DNAH5: variants seen among roughly 807,000 people sequenced by gnomAD.
The protein encoded by DNAH5 is dynein axonemal heavy chain 5.
Under a neutral mutation model 518.2 loss-of-function variants are expected in DNAH5, and 372 were observed. The ratio of observed to expected loss-of-function variants is 0.72; its 90% CI spans 0.66 to 0.78. DNAH5 has a LOEUF of 0.78. Among genes scored for constraint, DNAH5 ranks in the 30% least tolerant of loss-of-function variants. The probability of loss-of-function intolerance (pLI) is 0.00; values close to 1 mark genes in which losing one functional copy is unlikely to be tolerated. For synonymous variants in DNAH5, 2,039 were observed against 2,025.9 expected, an observed-to-expected ratio of 1.01 and a Z score of -0.17; for missense variants, 5,523 against 5,687.0, an observed-to-expected ratio of 0.97 and a Z score of 0.93.
rs549639278 is a variant in DNAH5, at chr5:13,713,257, C to T, written c.13125+1148G>A. Among the ~76,000 whole-genome samples, 11 of 116,610 alleles carry T rather than the reference C, an allele frequency of 9.4e-5. No individual in the cohort carries two copies. The South Asian group carries it at 1.2e-3, about 13-fold the overall frequency. The allele number at this position is 116,610 out of a possible 152,430, so 76.5% of individuals were successfully genotyped here. A position where few individuals can be genotyped will look rare whatever the true frequency, so the allele number is the denominator to read the frequency against. The stretch of plus-strand genomic sequence containing the variant: ...TGTATATACCAACATATATATATAC[C>T]GACATATATATACCGACATATATAT... On this transcript the variant is annotated intron_variant, in intron 75 of 78. Coordinates refer to ENST00000265104, the MANE Select transcript of DNAH5 (RefSeq NM_001369.3).
intron 35 of DNAH5, among the ~76,000 whole-genome samples, chr5:13,836,075 G>A (rs1223881248): frequency 2.6e-5 from 4 of 152,126 alleles, no homozygotes; most frequent in Non-Finnish European, 1.5e-5. Context: ...GTATTCACAG[G>A]CTTCAGGGGT....
chr5:13,848,701 A>G (rs1191422945), intron 31 of DNAH5, among the ~76,000 whole-genome samples: 1 of 152,182 alleles, frequency 6.6e-6, no homozygotes, highest in East Asian at 1.9e-4. Flanking sequence ...TGCAGTTCAG[A>G]ATAGGGTGTA....
intron 9 of DNAH5, among the ~76,000 whole-genome samples, chr5:13,916,067 C>A (rs2151984777): frequency 6.6e-6 from 1 of 151,822 alleles, no homozygotes; most frequent in African/African-American, 2.4e-5. Flanking sequence ...ATGTGCTAAA[C>A]CACATAGGAA....
chr5:13,885,752 A>G (rs945870330), intron 18 of DNAH5, among the ~76,000 whole-genome samples: 7 of 152,214 alleles, frequency 4.6e-5, no homozygotes, highest in Non-Finnish European at 7.3e-5. Flanking sequence ...TGCAAAGTGC[A>G]TGTTTGCAAA....
intron 68 of DNAH5, among the ~76,000 whole-genome samples, chr5:13,731,690 G>A (rs775404630): frequency 7.9e-5 from 12 of 152,116 alleles, no homozygotes; most frequent in African/African-American, 1.4e-4. Context: ...AGTTTTTACC[G>A]TAATACTTTG....
At chr5:13,966,349 A>G (rs1394314681) in intron 1 of DNAH5, among the ~76,000 whole-genome samples, 5 of 152,172 alleles carry the variant, frequency 3.3e-5, no homozygotes, top group African/African-American at 1.2e-4. Flanking sequence ...TTCTCGTATA[A>G]TGACTTCTTT....
chr5:13,793,728 C>T lies in DNAH5; in HGVS notation c.8011G>A (p.Val2671Ile), dbSNP rs1757384575. Residue 2671 changes from valine to isoleucine, a missense_variant and splice_region_variant, in exon 49 of 79, where the codon GTT (valine) becomes ATT (isoleucine). This residue lies in a region of DNAH5 where 5,121 missense variants were observed against 5,223.3 expected (regional missense o/e 0.98). Transcript: ENST00000265104. ...AGCTGTCGCACTATCTCATTCGTAA[C>T]CTACAAAAGACAACTTTCAGAATTA... ...MPIINEWGDQVTNEIVRQLME... is the reference protein window; with the variant it reads ...MPIINEWGDQITNEIVRQLME... The T allele has an allele frequency of 1.2e-6, 2 of 1,613,654 alleles. No individual in the cohort carries two copies. The highest frequency in any genetic ancestry group is 1.7e-6 in the Non-Finnish European group (2 of 1,179,802).
intron 1 of DNAH5, 38 bp from the exon 2 acceptor site, chr5:13,931,282 T>A: frequency 6.2e-7 from 1 of 1,612,742 alleles, no homozygotes; most frequent in Non-Finnish European, 8.5e-7. Context: ...TGGAAACTGC[T>A]GTTCTCAAGT....
At chr5:13,855,774 A>G (rs1580606775) in intron 30 of DNAH5, among the ~76,000 whole-genome samples, 1 of 152,196 alleles carries the variant, frequency 6.6e-6, no homozygotes, top group Non-Finnish European at 1.5e-5. Context: ...AATGCAAAAG[A>G]ATGCAAATCA....
In DNAH5 at chr5:13,844,769, A is replaced by T. The variant is rs961447392; in HGVS notation, c.5271+68T>A. 4 of 1,600,456 alleles carry T rather than the reference A, an allele frequency of 2.5e-6. No homozygotes were observed. In the Admixed American group the frequency reaches 6.7e-5, roughly 27 times the overall value. ...CCTTGTTATAAACCCGTTTTCGAAGAGCTACTTAAAGACAGTTGAGGTTCG... is the reference window on the plus strand; with the variant it reads ...CCTTGTTATAAACCCGTTTTCGAAGTGCTACTTAAAGACAGTTGAGGTTCG... On this transcript the variant is annotated intron_variant, in intron 32 of 78. Coordinates refer to ENST00000265104, the MANE Select transcript of DNAH5 (RefSeq NM_001369.3).
chr5:13,892,761 C>A (rs903056376), intron 16 of DNAH5, among the ~76,000 whole-genome samples: 1 of 152,100 alleles, frequency 6.6e-6, no homozygotes, highest in African/African-American at 2.4e-5. Context: ...TTATACATTT[C>A]ATAAGTGCCT....
intron 30 of DNAH5, among the ~76,000 whole-genome samples, chr5:13,853,455 G>A (rs1211260698): frequency 6.6e-6 from 1 of 152,108 alleles, no homozygotes; most frequent in Non-Finnish European, 1.5e-5. Flanking sequence ...AAACCAGAAT[G>A]CCTCTTCTCC....
intron 2 of DNAH5, among the ~76,000 whole-genome samples, chr5:13,929,157 A>G (rs1283974894): frequency 6.6e-6 from 1 of 152,230 alleles, no homozygotes; most frequent in Non-Finnish European, 1.5e-5. Context: ...AGCCTTAACA[A>G]GGAGGGGAAT....
chr5:13,769,247 GTTTT>G (rs36092508), intron 57 of DNAH5, 111 bp from the exon 58 acceptor site: 429 of 746,404 alleles, frequency 5.7e-4, no homozygotes, highest in Non-Finnish European at 6.6e-4. Context: ...CAGTTTTGTT[GTTTT>G]TTTTTTTTTT....
Position 13,766,112 on chromosome 5 carries a change from A to G in DNAH5, c.9965T>C (p.Ile3322Thr). Residue 3322 changes from isoleucine to threonine, a missense_variant, in exon 59 of 79, where the codon ATC (isoleucine) becomes ACC (threonine). Ile to Thr is a moderately conservative substitution (Grantham distance 89, BLOSUM62 -1). Transcript: ENST00000265104. ...AAACAGCAGCAGTACGCAATCCATG[A>G]TCCGCATGATGAGGTGAGGGGGGCG... ...LGRPPHLIMR[I>T]MDCVLLLFQR... 1 of 1,614,182 alleles carries G rather than the reference A, an allele frequency of 6.2e-7. No homozygotes were observed. Among genetic ancestry groups the G allele is most frequent in the Non-Finnish European group, 8.5e-7 (1 of 1,180,016 alleles).
intron 15 of DNAH5, among the ~76,000 whole-genome samples, chr5:13,895,689 C>T (rs966197886): frequency 6.6e-6 from 1 of 152,086 alleles, no homozygotes; most frequent in African/African-American, 2.4e-5. Flanking sequence ...ATGCCAGAAA[C>T]AAACACATTT....
intron 35 of DNAH5, among the ~76,000 whole-genome samples, chr5:13,834,305 C>T (rs4257770): frequency 0.41 from 62,736 of 151,676 alleles, 13,374 homozygotes; most frequent in East Asian, 0.61. Flanking sequence ...AACTATGATA[C>T]CTATATGTGA....
intron 46 of DNAH5, 138 bp downstream of exon 46, chr5:13,808,906 G>A (rs947060510): frequency 1.0e-6 from 1 of 971,268 alleles, no homozygotes; most frequent in African/African-American, 1.6e-5. Context: ...CCTGCAGTGA[G>A]CCGAGATCGC....
chr5:13,712,502 G>C (rs1241168950), intron 75 of DNAH5, among the ~76,000 whole-genome samples: 1 of 152,162 alleles, frequency 6.6e-6, no homozygotes, highest in Non-Finnish European at 1.5e-5. Flanking sequence ...CCTTTGCATG[G>C]CAAAAGGAAC....
Sources: allele counts gnomAD v4.1 joint callset (sites outside exome capture counted in the v4.1 genomes callset), GRCh38; gene constraint gnomAD v4.1.1; regional missense constraint gnomAD v4.1.1; transcripts MANE v1.5; gene names NCBI Gene and HGNC (gene_info 2026-07-23, HGNC 2026-07-21).